The following TNKS2 variants were observed in gnomAD, a reference collection of about 807,000 sequenced individuals.
TNKS2 encodes the protein poly [ADP-ribose] polymerase tankyrase-2.
Under a neutral mutation model 137.6 loss-of-function variants are expected in TNKS2, and 72 were observed. That is an observed-to-expected ratio of 0.52 (90% CI 0.43 to 0.64). The LOEUF is 0.64. TNKS2 is among the 30% of genes least tolerant of loss of function. The pLI is 0.00. For synonymous variants in TNKS2, 516 were observed against 512.1 expected (o/e 1.01, Z -0.10); for missense variants, 1,049 against 1,410.2 (o/e 0.74, Z 4.10).
intron 9 of TNKS2, among the ~76,000 whole-genome samples, 199 bp from the exon 10 acceptor site, chr10:91,830,724 T>C (rs190700216): frequency 1.3e-5 from 2 of 152,346 alleles, no homozygotes; most frequent in East Asian, 1.9e-4. Context: ...ATAATAGATA[T>C]TATCTGATAG....
In TNKS2 at chr10:91,848,752, AAC is replaced by A. The variant is rs1377408352; in HGVS notation, c.2611+119_2611+120del. 9.0e-6 allele frequency: 11 copies of A among 1,219,450 alleles called. No individual in the cohort carries two copies. The Admixed American group carries it at 9.2e-5, about 10-fold the overall frequency. The allele number at this position is 1,219,450 out of a possible 1,614,324, so 75.5% of individuals were successfully genotyped here. A position where few individuals can be genotyped will look rare whatever the true frequency, so the allele number is the denominator to read the frequency against. The stretch of plus-strand genomic sequence containing the variant: ...ACAAGGTATTAGTATAAAATTAGTT[AAC>A]ATAGCCTTAAAAAGGTTTAACCTTG... On this transcript the variant is annotated intron_variant, in intron 19 of 26. Coordinates refer to ENST00000371627, the MANE Select transcript of TNKS2 (RefSeq NM_025235.4).
Position 91,829,940 on chromosome 10 carries a change from A to T in TNKS2, c.1105-983A>T, listed in dbSNP as rs1845187875. On this transcript the variant is annotated intron_variant, in intron 9 of 26. Coordinates refer to ENST00000371627, the MANE Select transcript of TNKS2 (RefSeq NM_025235.4). ...ATTGATTTAGTCATGTATCATTCAG[A>T]CATTATTGAACACCTATTGTGCAGA... 5.3e-5 allele frequency among the ~76,000 whole-genome samples: 8 copies of T among 152,314 alleles called. No individual in the cohort carries two copies. The South Asian group carries it at 1.7e-3, about 32-fold the overall frequency.
chr10:91,801,406 G>A (rs890986059), intron 1 of TNKS2, among the ~76,000 whole-genome samples: 6 of 151,926 alleles, frequency 3.9e-5, no homozygotes, highest in African/African-American at 1.2e-4. Context: ...AAATGACTCT[G>A]TAAATTGTTT....
intron 13 of TNKS2, among the ~76,000 whole-genome samples, chr10:91,837,957 ACAAATTACTT>A (rs1842080803): frequency 6.6e-6 from 1 of 151,810 alleles, no homozygotes. Context: ...TTGTGGAAAT[ACAAATTACTT>A]CAGTTAAAAG....
At position 91,841,309 on chromosome 10, in the gene TNKS2, G is replaced by A. The variant is rs1842205121; in HGVS notation, c.1700G>A (p.Cys567Tyr). The change falls in exon 15 of 27, where the codon TGT becomes TAT. Residue 567 changes from cysteine (C) to tyrosine (Y), a missense_variant. Cys to Tyr is a radical substitution (Grantham distance 194, BLOSUM62 -2). Coordinates refer to ENST00000371627, the MANE Select transcript of TNKS2 (RefSeq NM_025235.4). Reference protein sequence around the residue: ...KGGLVPLHNACSYGHYEVAEL... With the variant: ...KGGLVPLHNAYSYGHYEVAEL... ...GGCCTTGTACCTTTGCACAATGCAT[G>A]TTCTTATGGACATTATGAAGTTGCA... The A allele has an allele frequency of 1.3e-6, 2 of 1,591,406 alleles. No homozygotes were observed. Among genetic ancestry groups the A allele is most frequent in the Non-Finnish European group, 1.7e-6 (2 of 1,169,974 alleles).
chr10:91,848,763 A>T, intron 19 of TNKS2, 128 bp downstream of exon 19: 7 of 1,082,082 alleles, frequency 6.5e-6, no homozygotes, highest in Admixed American at 2.4e-5. Context: ...ACATAGCCTT[A>T]AAAAGGTTTA....
chr10:91,859,018 TAA>T (rs960882682), intron 24 of TNKS2, among the ~76,000 whole-genome samples: 1 of 145,990 alleles, frequency 6.8e-6, no homozygotes, highest in Non-Finnish European at 1.5e-5. Flanking sequence ...CAAAAAAATT[TAA>T]AAAAAAAAAG....
chr10:91,801,443 C>G (rs1237154825), intron 1 of TNKS2, among the ~76,000 whole-genome samples: 5 of 151,860 alleles, frequency 3.3e-5, no homozygotes, highest in Non-Finnish European at 1.5e-5. Flanking sequence ...GCCACTGCCC[C>G]CGACCATACG....
At chr10:91,837,502 T>C (rs1842063629) in intron 13 of TNKS2, among the ~76,000 whole-genome samples, 2 of 152,210 alleles carry the variant, frequency 1.3e-5, no homozygotes, top group African/African-American at 4.8e-5. Flanking sequence ...CTTACCTGTT[T>C]CTCCGACAAG....
chr10:91,800,437 G>A (rs944206922), intron 1 of TNKS2, among the ~76,000 whole-genome samples: 1 of 152,162 alleles, frequency 6.6e-6, no homozygotes, highest in Non-Finnish European at 1.5e-5. Context: ...CAAGAATTTG[G>A]TGTATTAGTG....
chr10:91,841,607 A>G (rs1045878526), intron 15 of TNKS2, among the ~76,000 whole-genome samples, 159 bp downstream of exon 15: 1 of 152,144 alleles, frequency 6.6e-6, no homozygotes, highest in Non-Finnish European at 1.5e-5. Context: ...AACATTTTAT[A>G]TTTTAATCCA....
chr10:91,823,873 T>A (rs1844986620), intron 7 of TNKS2, among the ~76,000 whole-genome samples: 1 of 152,186 alleles, frequency 6.6e-6, no homozygotes, highest in East Asian at 1.9e-4. Flanking sequence ...AGAAACAACT[T>A]TATAATAATA....
Position 91,828,303 on chromosome 10 carries a change from CGTT to C in TNKS2, c.1003_1005del (p.Leu336del). On this transcript the variant is annotated inframe_deletion, in exon 9 of 27. Transcript: ENST00000371627. ...CATCTAGATGAATTTAAAGGCCACT[CGTT>C]GCTGCAAGCTGCACGAGAAGCTGAT... 6.3e-7 allele frequency: 1 copy of C among 1,586,716 alleles called. No homozygotes were observed. Among genetic ancestry groups the C allele is most frequent in the Non-Finnish European group, 8.6e-7 (1 of 1,168,916 alleles).
Position 91,798,830 on chromosome 10 carries a change from A to G in TNKS2, c.140A>G (p.Glu47Gly), listed in dbSNP as rs1844056154. 1.5e-6 allele frequency: 2 copies of G among 1,357,030 alleles called. No homozygotes were observed. The highest frequency in any genetic ancestry group is 3.0e-5 in the East Asian group (1 of 33,238). The allele number at this position is 1,357,030 out of a possible 1,614,324, so 84.1% of individuals were successfully genotyped here. A position where few individuals can be genotyped will look rare whatever the true frequency, so the allele number is the denominator to read the frequency against. ...CGAGTCAAGAGGCTGGTGACGCCTG[A>G]GAAGGTGAACAGCCGCGACACGGCG... ...VERVKRLVTP[E>G]KVNSRDTAGR... Residue 47 changes from glutamate (E) to glycine (G), a missense_variant, in exon 1 of 27, where the codon GAG (glutamate) becomes GGG (glycine). Transcript: ENST00000371627.
Position 91,798,522 on chromosome 10 carries a change from C to T in TNKS2, c.-169C>T. The T allele has an allele frequency of 1.3e-6, 1 of 759,334 alleles. No individual in the cohort carries two copies. The highest frequency in any genetic ancestry group is 1.8e-6 in the Non-Finnish European group (1 of 571,206). 47.0% of individuals were successfully genotyped at this position (759,334 alleles called of 1,614,324 possible). A position where few individuals can be genotyped will look rare whatever the true frequency, so the allele number is the denominator to read the frequency against. ...GGGGGGCAGGGAGCCCAGCGAGGGG[C>T]GCGCGTGGGCGCGGCCATGGGACTG... On this transcript the variant is annotated 5_prime_UTR_variant, in exon 1 of 27. Transcript: ENST00000371627.
intron 7 of TNKS2, among the ~76,000 whole-genome samples, chr10:91,825,312 A>G (rs1354648244): frequency 1.3e-5 from 2 of 152,016 alleles, no homozygotes; most frequent in Non-Finnish European, 1.5e-5. Context: ...CATGTTGCCC[A>G]GTTTGGTCTT....
chr10:91,836,606 A>G (rs1842027929), intron 12 of TNKS2: 1 of 983,314 alleles, frequency 1.0e-6, no homozygotes, highest in Non-Finnish European at 1.2e-6. Flanking sequence ...CTTTTGCACC[A>G]TTCCAATGGC....
chr10:91,817,722 A>G (rs1844755979), intron 3 of TNKS2, among the ~76,000 whole-genome samples: 1 of 152,174 alleles, frequency 6.6e-6, no homozygotes, highest in South Asian at 2.1e-4. Context: ...AGAGGATTCT[A>G]GGCACACTCA....
intron 13 of TNKS2, among the ~76,000 whole-genome samples, chr10:91,837,715 C>T (rs1842072940): frequency 6.6e-6 from 1 of 152,184 alleles, no homozygotes; most frequent in South Asian, 2.1e-4. Flanking sequence ...CAAAAATTAG[C>T]TGGGCGTAGT....
Sources: allele counts gnomAD v4.1 joint callset (sites outside exome capture counted in the v4.1 genomes callset), GRCh38; gene constraint gnomAD v4.1.1; transcripts MANE v1.5; gene names NCBI Gene and HGNC (gene_info 2026-07-23, HGNC 2026-07-21).